TSPO: variants seen among roughly 807,000 people sequenced by gnomAD.
TSPO encodes the protein translocator protein, also known as benzodiazepine peripheral binding site.
A neutral mutation model predicts 13.9 loss-of-function variants in TSPO; 14 were observed. That is an observed-to-expected ratio of 1.01 (90% CI 0.67 to 1.58). TSPO has a LOEUF of 1.58. TSPO is among the 40% of genes most tolerant of loss of function. TSPO has a pLI of 0.00. For missense variants in TSPO, 232 were observed against 229.6 expected, an observed-to-expected ratio of 1.01 and a Z score of -0.07; for synonymous variants, 114 against 105.9, an observed-to-expected ratio of 1.08 and a Z score of -0.47.
intron 1 of TSPO, among the ~76,000 whole-genome samples, chr22:43,152,907 C>T (rs78948972): frequency 3.6e-3 from 551 of 151,394 alleles, no homozygotes; most frequent in Non-Finnish European, 6.4e-3. Flanking sequence ...CTGGCTGGAT[C>T]TACCAGAAAG....
chr22:43,152,009 G>A (rs1185897045), intron 1 of TSPO: 3 of 152,272 alleles, frequency 2.0e-5, no homozygotes, highest in Non-Finnish European at 4.4e-5. Context: ...GGAGACCTCG[G>A]GCTCTTGATC....
chr22:43,154,642 G>GATTA (rs1198230138), intron 1 of TSPO, among the ~76,000 whole-genome samples: 3 of 152,064 alleles, frequency 2.0e-5, no homozygotes, highest in Admixed American at 1.3e-4. Flanking sequence ...ACAGGTGTGA[G>GATTA]CCACCGTTCC....
intron 1 of TSPO, among the ~76,000 whole-genome samples, chr22:43,156,072 G>C (rs556210991): frequency 6.6e-6 from 1 of 152,342 alleles, no homozygotes; most frequent in East Asian, 1.9e-4. Flanking sequence ...CTGTTTTCTG[G>C]TGGGGCAGAC....
intron 1 of TSPO, among the ~76,000 whole-genome samples, chr22:43,153,339 T>TAC (rs1484426052): frequency 0.2 from 10,143 of 50,602 alleles, 2,519 homozygotes; most frequent in East Asian, 0.93. Flanking sequence ...GTGTTTTCTT[T>TAC]TTTTTTTTTT....
intron 1 of TSPO, among the ~76,000 whole-genome samples, chr22:43,158,181 A>G (rs369420616): frequency 3.9e-5 from 6 of 152,156 alleles, no homozygotes; most frequent in Non-Finnish European, 4.4e-5. Flanking sequence ...TGTCCCCTGG[A>G]CTGCTTGTCT....
At chr22:43,161,493 CTT>C (rs879726178) in intron 3 of TSPO, among the ~76,000 whole-genome samples, 3 of 146,480 alleles carry the variant, frequency 2.0e-5, no homozygotes, top group African/African-American at 5.0e-5. Flanking sequence ...ACAGCTTCTT[CTT>C]TTTTTTTTTT....
In TSPO at chr22:43,159,312, T is replaced by C; in HGVS notation, c.74T>C (p.Phe25Ser). The C allele has an allele frequency of 1.3e-6, 2 of 1,550,606 alleles. No homozygotes were observed. The highest frequency in any genetic ancestry group is 1.7e-6 in the Non-Finnish European group (2 of 1,147,416). ...PSLGCFVGSR[F>S]VHGEGLRWYA... ...CTGGGGTGCTTCGTGGGCTCCCGCT[T>C]TGTCCACGGCGAGGGTCTCCGCTGG... Residue 25 changes from phenylalanine to serine, a missense_variant, in exon 2 of 4, where the codon TTT becomes TCT. By Grantham distance (155) the Phe-to-Ser change is radical. Coordinates refer to ENST00000337554, the MANE Select transcript of TSPO (RefSeq NM_000714.6).
At chr22:43,154,441 C>T (rs1931188872) in intron 1 of TSPO, among the ~76,000 whole-genome samples, 1 of 152,026 alleles carries the variant, frequency 6.6e-6, no homozygotes, top group African/African-American at 2.4e-5. Flanking sequence ...TCACTGCAAC[C>T]TCCTCCTCTC....
intron 2 of TSPO, among the ~76,000 whole-genome samples, chr22:43,160,401 C>T (rs919073552): frequency 4.6e-5 from 7 of 152,224 alleles, no homozygotes; most frequent in African/African-American, 1.7e-4. Flanking sequence ...TCAGTCACTT[C>T]ACCGCCTCAG....
intron 2 of TSPO, 91 bp downstream of exon 2, chr22:43,159,511 T>C (rs1931365410): frequency 2.3e-6 from 3 of 1,280,110 alleles, no homozygotes; most frequent in East Asian, 3.0e-5. Context: ...AGGCGGGCCA[T>C]GGACCATGGC....
chr22:43,155,652 A>G (rs984797855), intron 1 of TSPO, among the ~76,000 whole-genome samples: 1 of 151,766 alleles, frequency 6.6e-6, no homozygotes, highest in African/African-American at 2.4e-5. Flanking sequence ...CCCTTGAGCT[A>G]CCCCAGCCCC....
intron 1 of TSPO, chr22:43,151,929 C>G (rs2147047478): frequency 6.6e-6 from 1 of 152,416 alleles, no homozygotes; most frequent in East Asian, 1.9e-4. Context: ...GTGGCCGACG[C>G]TCCCTCTCCT....
intron 1 of TSPO, among the ~76,000 whole-genome samples, chr22:43,156,348 G>A (rs1246666204): frequency 6.6e-6 from 1 of 152,216 alleles, no homozygotes; most frequent in Non-Finnish European, 1.5e-5. Context: ...GCCTGGCCCT[G>A]GCTGGGTGCT....
In TSPO at chr22:43,159,256, GC is replaced by G. The variant is rs1246275906; in HGVS notation, c.21del (p.Ala8ProfsTer84). The G allele has an allele frequency of 5.1e-6, 8 of 1,555,922 alleles. No individual in the cohort carries two copies. In the African/African-American group the frequency reaches 8.2e-5, roughly 16 times the overall value. MAPPWV[P>X]AMGFTLAPSL... Reference sequence around the variant, plus strand: ...CAGCAGCCATGGCCCCGCCCTGGGTGCCCGCCATGGGCTTCACGCTGGCGCC... The same window carrying G: ...CAGCAGCCATGGCCCCGCCCTGGGTGCCGCCATGGGCTTCACGCTGGCGCC... On this transcript the variant is annotated frameshift_variant, in exon 2 of 4. Transcript: ENST00000337554. LOFTEE classifies it high-confidence loss of function.
At chr22:43,158,937 G>A (rs1931340091) in intron 1 of TSPO, among the ~76,000 whole-genome samples, 1 of 152,150 alleles carries the variant, frequency 6.6e-6, no homozygotes, top group Non-Finnish European at 1.5e-5. Flanking sequence ...TCTTGGTGGA[G>A]GGGACCCAAA....
chr22:43,151,908 C>T (rs1045886934), intron 1 of TSPO: 18 of 152,250 alleles, frequency 1.2e-4, no homozygotes, highest in African/African-American at 4.3e-4. Context: ...GCAGGAAGCG[C>T]GGTCCCAGGA....
intron 1 of TSPO, among the ~76,000 whole-genome samples, chr22:43,155,305 C>T (rs1194501854): frequency 6.6e-6 from 1 of 152,160 alleles, no homozygotes; most frequent in Non-Finnish European, 1.5e-5. Flanking sequence ...CGGTGACCGT[C>T]GGGATGAGCA....
intron 2 of TSPO, chr22:43,159,715 T>C (rs1931372809): frequency 2.8e-6 from 1 of 352,814 alleles, no homozygotes; most frequent in African/African-American, 2.1e-5. Flanking sequence ...GGCAGAGGCA[T>C]GGACGCTAAG....
rs1195753367 is a variant in TSPO, at chr22:43,158,881, G to T, written c.-29-329G>T. 2.0e-5 allele frequency among the ~76,000 whole-genome samples: 3 copies of T among 151,972 alleles called. 1 individual carries two copies. The highest frequency in any genetic ancestry group is 4.4e-5 in the Non-Finnish European group (3 of 67,986). ...GAACGTAAAGCACTGGCCTGGCAGA[G>T]CTCCCAGGACGGGGACTTGACCCAG... is the stretch of plus-strand genomic sequence containing the variant. On this transcript the variant is annotated intron_variant, in intron 1 of 3. Coordinates refer to ENST00000337554, the MANE Select transcript of TSPO (RefSeq NM_000714.6).
Sources: allele counts gnomAD v4.1 joint callset (sites outside exome capture counted in the v4.1 genomes callset), GRCh38; gene constraint gnomAD v4.1.1; transcripts MANE v1.5; gene names NCBI Gene and HGNC (gene_info 2026-07-23, HGNC 2026-07-21).